Variants in TET2 observed in about 807,000 individuals in gnomAD.
The protein encoded by TET2 is tet methylcytosine dioxygenase 2.
Under a neutral mutation model 142.9 loss-of-function variants are expected in TET2, and 299 were observed. That is an observed-to-expected ratio of 2.09 (90% CI 1.90 to 2.30). The LOEUF (loss-of-function observed/expected upper bound fraction) is 2.30, where lower values mean the gene tolerates loss of function less well. Among genes scored for constraint, TET2 ranks in the 30% most tolerant of loss-of-function variants. TET2 has a pLI of 0.00. For synonymous variants in TET2, 819 were observed against 849.0 expected, an observed-to-expected ratio of 0.96 and a Z score of 0.61; for missense variants, 2,418 against 2,378.0, an observed-to-expected ratio of 1.02 and a Z score of -0.35.
At chr4:105,270,285 T>C (rs1272823294) in intron 9 of TET2, among the ~76,000 whole-genome samples, 1 of 152,226 alleles carries the variant, frequency 6.6e-6, no homozygotes, top group Non-Finnish European at 1.5e-5. Context: ...AGCACTCTCA[T>C]GATAGGTTGG....
In TET2 at chr4:105,237,232, C is replaced by T. The variant is rs1339545274; in HGVS notation, c.3290C>T (p.Ala1097Val). The T allele has an allele frequency of 1.2e-6, 2 of 1,614,078 alleles. No individual in the cohort carries two copies. Among genetic ancestry groups the T allele is most frequent in the Admixed American group, 3.3e-5 (2 of 60,014 alleles). The change falls in exon 3 of 11, where the codon GCT becomes GTT. Residue 1097 changes from alanine (A) to valine (V), a missense_variant. Transcript: ENST00000380013. ...GAAAAGACACCAACCAAAAGAACAGCTGCTTCTGTTCTCAATAATTTTATA... is the reference window on the plus strand; with the variant it reads ...GAAAAGACACCAACCAAAAGAACAGTTGCTTCTGTTCTCAATAATTTTATA... Reference protein sequence around the residue: ...SSEKTPTKRTAASVLNNFIES... With the variant: ...SSEKTPTKRTVASVLNNFIES...
chr4:105,235,804 C>T lies in TET2; in HGVS notation c.1862C>T (p.Thr621Ile), dbSNP rs2110230272. 6.2e-7 allele frequency: 1 copy of T among 1,614,072 alleles called. No individual in the cohort carries two copies. The highest frequency in any genetic ancestry group is 8.5e-7 in the Non-Finnish European group (1 of 1,180,006). Residue 621 changes from threonine to isoleucine, a missense_variant, in exon 3 of 11, where the codon ACC (threonine) becomes ATC (isoleucine). Coordinates refer to ENST00000380013, the MANE Select transcript of TET2 (RefSeq NM_001127208.3). ...MPGGLPRQAYTQKTTQLEHKS... is the reference protein window; with the variant it reads ...MPGGLPRQAYIQKTTQLEHKS... ...GGGGGGCTCCCAAGGCAAGCTTACA[C>T]CCAGAAAACAACACAGCTGGAGCAC... is the stretch of plus-strand genomic sequence containing the variant.
rs1224621491 is a variant in TET2, at chr4:105,235,171, C to T, written c.1229C>T (p.Pro410Leu). 1.2e-6 allele frequency: 2 copies of T among 1,613,964 alleles called. No homozygotes were observed. The highest frequency in any genetic ancestry group is 1.1e-5 in the South Asian group (1 of 91,044). ...PPSQLLLSPP[P>L]PLPQVPQLPS... ...TCACAATTGCTTCTTTCTCCCCCTC[C>T]TCCTCTTCCACAGGTTCCTCAGCTT... The change falls in exon 3 of 11, where the codon CCT (proline) becomes CTT (leucine). Residue 410 changes from proline (P) to leucine (L), a missense_variant. Coordinates refer to ENST00000380013, the MANE Select transcript of TET2 (RefSeq NM_001127208.3).
Position 105,276,506 on chromosome 4 carries a change from A to G in TET2, c.5996A>G (p.Asn1999Ser). ...YAFTRVTGPY[N>S]RYI ...TTCACTCGGGTCACAGGGCCTTACA[A>G]CAGATATATATGATATCACCCCCTT... The change falls in exon 11 of 11, where the codon AAC becomes AGC. Residue 1999 changes from asparagine to serine, a missense_variant. Coordinates refer to ENST00000380013, the MANE Select transcript of TET2 (RefSeq NM_001127208.3). 1 of 1,551,030 alleles carries G rather than the reference A, an allele frequency of 6.4e-7. No homozygotes were observed. The highest frequency in any genetic ancestry group is 8.7e-7 in the Non-Finnish European group (1 of 1,146,626).
At chr4:105,226,766 C>T (rs1239830275) in intron 2 of TET2, among the ~76,000 whole-genome samples, 1 of 152,124 alleles carries the variant, frequency 6.6e-6, no homozygotes, top group Non-Finnish European at 1.5e-5. Context: ...AGTGCTTTGC[C>T]TCCTATACAG....
At position 105,234,939 on chromosome 4, in the gene TET2, C is replaced by G. The variant is rs748698001; in HGVS notation, c.997C>G (p.Pro333Ala). 6.2e-7 allele frequency: 1 copy of G among 1,613,958 alleles called. No homozygotes were observed. Among genetic ancestry groups the G allele is most frequent in the Non-Finnish European group, 8.5e-7 (1 of 1,179,974 alleles). Residue 333 changes from proline to alanine, a missense_variant, in exon 3 of 11, where the codon CCA becomes GCA. By Grantham distance (27) the Pro-to-Ala change is conservative. Coordinates refer to ENST00000380013, the MANE Select transcript of TET2 (RefSeq NM_001127208.3). ...ACAAAAATCAGTTTTTGAGATATGC[C>G]CATCTCCTGCAGAAAATAACATCCA... is the stretch of plus-strand genomic sequence containing the variant. ...QQQKSVFEIC[P>A]SPAENNIQGT...
rs564161349 is a variant in TET2 at position 105,276,246 on chromosome 4, T to C, written c.5736T>C (p.His1912=). 1.5e-5 allele frequency: 24 copies of C among 1,551,422 alleles called. No homozygotes were observed. Among genetic ancestry groups the C allele is most frequent in the Non-Finnish European group, 2.1e-5 (24 of 1,146,948 alleles). ...ATAAGAGCATGAATGAGCCAAAACA[T>C]GGCTTGGCTCTTTGGGAAGCCAAAA... The part of the protein sequence containing the change: ...YQHKSMNEPK[H]GLALWEAKMA... Residue 1912 remains histidine (H), a synonymous_variant, in exon 11 of 11, where the codon CAT becomes CAC. Transcript: ENST00000380013.
chr4:105,235,215 ACT>A lies in TET2; in HGVS notation c.1276_1277del (p.Leu426GlufsTer16). 6.2e-7 allele frequency: 1 copy of A among 1,614,006 alleles called. No individual in the cohort carries two copies. Among genetic ancestry groups the A allele is most frequent in the Non-Finnish European group, 8.5e-7 (1 of 1,179,994 alleles). ...TCAGCTTCCTTCAGAAGGAAAAAGC[ACT>A]CTGAATGGTGGAGTTTTAGAAGAAC... ...VPQLPSEGKS[T>X]LNGGVLEEHH... On this transcript the variant is annotated frameshift_variant, in exon 3 of 11. Coordinates refer to ENST00000380013, the MANE Select transcript of TET2 (RefSeq NM_001127208.3). LOFTEE classifies it high-confidence loss of function.
chr4:105,242,375 C>G (rs752466007), intron 4 of TET2: 1 of 1,079,738 alleles, frequency 9.3e-7, no homozygotes, highest in East Asian at 5.2e-5. Context: ...TTCCATGTGG[C>G]TGGATACTAA....
chr4:105,250,194 TG>T (rs1271972562), intron 6 of TET2, among the ~76,000 whole-genome samples: 5 of 152,162 alleles, frequency 3.3e-5, no homozygotes, highest in Non-Finnish European at 5.9e-5. Flanking sequence ...GGTTTATTTC[TG>T]GACTCTTAAT....
At chr4:105,171,928 G>C (rs549189272) in intron 1 of TET2, among the ~76,000 whole-genome samples, 1 of 152,234 alleles carries the variant, frequency 6.6e-6, no homozygotes, top group South Asian at 2.1e-4. Flanking sequence ...TCTCAGACAG[G>C]TAAGATAGAA....
At chr4:105,221,411 A>G (rs1316051564) in intron 2 of TET2, among the ~76,000 whole-genome samples, 4 of 152,136 alleles carry the variant, frequency 2.6e-5, no homozygotes, top group African/African-American at 7.2e-5. Context: ...CTCATCTTCA[A>G]TGGCATTCCT....
intron 2 of TET2, among the ~76,000 whole-genome samples, chr4:105,193,655 T>C (rs1725915111): frequency 6.6e-6 from 1 of 152,136 alleles, no homozygotes; most frequent in Admixed American, 6.5e-5. Context: ...ACGTAAGAGA[T>C]AAAAGAGAGG....
At chr4:105,170,219 A>C (rs1461288085) in intron 1 of TET2, among the ~76,000 whole-genome samples, 1 of 152,182 alleles carries the variant, frequency 6.6e-6, no homozygotes, top group Non-Finnish European at 1.5e-5. Context: ...AGTAGATGTG[A>C]GTTCTATGAG....
intron 2 of TET2, among the ~76,000 whole-genome samples, chr4:105,225,538 A>T (rs1303645355): frequency 1.3e-5 from 2 of 152,116 alleles, no homozygotes; most frequent in African/African-American, 4.8e-5. Flanking sequence ...CGGCAAGAAG[A>T]AATGAAGTTA....
At chr4:105,159,221 TA>T (rs1723713170) in intron 1 of TET2, among the ~76,000 whole-genome samples, 1 of 151,784 alleles carries the variant, frequency 6.6e-6, no homozygotes, top group South Asian at 2.1e-4. Context: ...TGTGCCTAAA[TA>T]CAAGATTAAT....
intron 2 of TET2, among the ~76,000 whole-genome samples, chr4:105,230,973 T>C (rs1164347850): frequency 6.6e-6 from 1 of 152,150 alleles, no homozygotes; most frequent in Non-Finnish European, 1.5e-5. Flanking sequence ...TTTCAGGAGA[T>C]TACCCAGTTG....
At chr4:105,237,510 G>A (rs919662389) in intron 3 of TET2, 159 bp downstream of exon 3, 61 of 1,598,094 alleles carry the variant, frequency 3.8e-5, no homozygotes, top group East Asian at 1.1e-4. Flanking sequence ...TCAAGTTACC[G>A]ATGCTTGTGT....
chr4:105,259,537 TG>T, intron 6 of TET2, 81 bp from the exon 7 acceptor site: 1 of 1,337,146 alleles, frequency 7.5e-7, no homozygotes, highest in Non-Finnish European at 1.0e-6. Context: ...AAACTCATTT[TG>T]CATATAGACA....
Sources: gnomAD v4.1 joint callset for allele counts (sites outside exome capture counted in the v4.1 genomes callset) on GRCh38, gnomAD v4.1.1 for gene constraint, MANE v1.5 for transcripts, NCBI Gene and HGNC (gene_info 2026-07-23, HGNC 2026-07-21) for gene names.